Variants in PEX7 observed in about 807,000 individuals in gnomAD.
PEX7 encodes the protein PTS2 receptor.
PEX7 carries 34 observed loss-of-function variants against 47.5 expected under a neutral mutation model. The observed-to-expected ratio is 0.72, with a 90% CI of 0.54 to 0.95. The LOEUF (loss-of-function observed/expected upper bound fraction) is 0.95, where lower values mean the gene tolerates loss of function less well. PEX7 is among the 40% of genes least tolerant of loss of function. The pLI, the probability that PEX7 is intolerant of heterozygous loss-of-function variation, is 0.00. For missense variants in PEX7, 394 were observed against 400.3 expected, an observed-to-expected ratio of 0.98 and a Z score of 0.13; for synonymous variants, 141 against 148.8, an observed-to-expected ratio of 0.95 and a Z score of 0.38.
chr6:136,900,437 C>A lies in PEX7; in HGVS notation c.903+2196C>A. The A allele has an allele frequency of 2.3e-6, 1 of 431,860 alleles. No homozygotes were observed. Among genetic ancestry groups the A allele is most frequent in the Admixed American group, 2.4e-5 (1 of 42,424 alleles). 26.8% of individuals were successfully genotyped at this position (431,860 alleles called of 1,614,324 possible). ...GCCTTTTCCAGCTTGGCAGTGTGAGCCACAGACTTGGGACCAAGGACATTG... is the reference window on the plus strand; with the variant it reads ...GCCTTTTCCAGCTTGGCAGTGTGAGACACAGACTTGGGACCAAGGACATTG... On this transcript the variant is annotated intron_variant, in intron 9 of 9. Transcript: ENST00000318471. The surrounding 1 kb of genome is among the most constrained non-coding windows in gnomAD (Gnocchi z 4.2).
intron 5 of PEX7, among the ~76,000 whole-genome samples, chr6:136,854,000 AAT>A (rs371354132): frequency 2.6e-5 from 4 of 152,020 alleles, no homozygotes; most frequent in African/African-American, 9.7e-5. Flanking sequence ...TGGGACCAGT[AAT>A]ATATTTTTTC....
intron 5 of PEX7, among the ~76,000 whole-genome samples, chr6:136,858,035 A>G (rs1419833611): frequency 1.3e-5 from 2 of 152,094 alleles, no homozygotes; most frequent in East Asian, 1.9e-4. Flanking sequence ...AGGCTGGTCT[A>G]GAACTCCTGG....
intron 9 of PEX7, among the ~76,000 whole-genome samples, chr6:136,903,213 G>A (rs774541210): frequency 1.3e-4 from 20 of 152,154 alleles, no homozygotes; most frequent in East Asian, 5.8e-4. Context: ...ACAGAACATC[G>A]CTTGCATTCC....
At chr6:136,896,550 G>A (rs1481714852) in intron 8 of PEX7, among the ~76,000 whole-genome samples, 1 of 152,084 alleles carries the variant, frequency 6.6e-6, no homozygotes, top group African/African-American at 2.4e-5. Context: ...CATGCATTTG[G>A]GTCTTGATTG....
At chr6:136,847,539 A>G (rs1389332307) in intron 5 of PEX7, among the ~76,000 whole-genome samples, 5 of 151,618 alleles carry the variant, frequency 3.3e-5, no homozygotes, top group Non-Finnish European at 7.4e-5. Flanking sequence ...TAAGGAAGGG[A>G]TCCAGTTTCA....
At chr6:136,840,893 G>A (rs1774485121) in intron 3 of PEX7, among the ~76,000 whole-genome samples, 1 of 152,006 alleles carries the variant, frequency 6.6e-6, no homozygotes, top group Non-Finnish European at 1.5e-5. Context: ...TGCACAGAGA[G>A]GTCTTTCCTG....
intron 8 of PEX7, among the ~76,000 whole-genome samples, chr6:136,884,941 A>ATCGTAGAT (rs1775441270): frequency 6.6e-6 from 1 of 152,334 alleles, no homozygotes; most frequent in East Asian, 1.9e-4. Flanking sequence ...GAATGTTATC[A>ATCGTAGAT]TCGTAGATTT....
intron 3 of PEX7, among the ~76,000 whole-genome samples, chr6:136,827,483 T>C (rs941634768): frequency 6.6e-6 from 1 of 150,550 alleles, no homozygotes; most frequent in Non-Finnish European, 1.5e-5. Context: ...ATTCAGATAC[T>C]TTTGTGGAAC....
chr6:136,866,693 A>C lies in PEX7; in HGVS notation c.593A>C (p.Gln198Pro). Residue 198 changes from glutamine (Q) to proline (P), a missense_variant, in exon 6 of 10, where the codon CAG becomes CCG. By Grantham distance (76) the Gln-to-Pro change is moderately conservative. Transcript: ENST00000318471. ...AGVRIVIPAH[Q>P]AEILSCDWCK... is the part of the protein sequence containing the mutation. ...GTAAGAATCGTGATTCCTGCACATC[A>C]GGCAGAAATCTTGAGTTGTGACTGG... is the stretch of plus-strand genomic sequence containing the variant. The C allele has an allele frequency of 6.2e-7, 1 of 1,614,072 alleles. No homozygotes were observed. Among genetic ancestry groups the C allele is most frequent in the Non-Finnish European group, 8.5e-7 (1 of 1,179,942 alleles).
intron 8 of PEX7, among the ~76,000 whole-genome samples, chr6:136,872,529 T>G (rs1303631953): frequency 6.6e-6 from 1 of 152,170 alleles, no homozygotes; most frequent in African/African-American, 2.4e-5. Flanking sequence ...TTTCCTACAC[T>G]ATAGATGGCA....
At position 136,841,737 on chromosome 6, in the gene PEX7, C is replaced by T. The variant is rs140588165; in HGVS notation, c.340-3878C>T. ...TAGCTGGGACTACTGTTATAGGTCA[C>T]CACACCTGGCTAATTTTTAAAATTT... On this transcript the variant is annotated intron_variant, in intron 3 of 9. Transcript: ENST00000318471. 2.0e-3 allele frequency among the ~76,000 whole-genome samples: 299 copies of T among 152,178 alleles called. 3 individuals are homozygous for T. The highest frequency in any genetic ancestry group is 6.5e-3 in the African/African-American group (268 of 41,520).
chr6:136,907,844 G>A lies in PEX7; in HGVS notation c.904-5614G>A, dbSNP rs558511200. Among the ~76,000 whole-genome samples, 8 of 152,188 alleles carry A rather than the reference G, an allele frequency of 5.3e-5. No homozygotes were observed. In the East Asian group the frequency reaches 1.3e-3, roughly 26 times the overall value. On this transcript the variant is annotated intron_variant, in intron 9 of 9. Transcript: ENST00000318471. ...TTTCTAAATTTTACACGTATTTAAA[G>A]TGTTGTATTTCCATTTTAATGTTTC...
At chr6:136,828,461 T>C (rs1241095075) in intron 3 of PEX7, among the ~76,000 whole-genome samples, 5 of 152,238 alleles carry the variant, frequency 3.3e-5, no homozygotes, top group Admixed American at 2.0e-4. Flanking sequence ...ATCCCAACTC[T>C]ACCTTCTATA....
rs1277406536 is a variant in PEX7 at position 136,900,219 on chromosome 6, C to T, written c.903+1978C>T. The T allele has an allele frequency of 5.9e-6, 1 of 168,622 alleles. No homozygotes were observed. The highest frequency in any genetic ancestry group is 2.4e-5 in the African/African-American group (1 of 41,666). 10.4% of individuals were successfully genotyped at this position (168,622 alleles called of 1,614,324 possible). ...GAGGACTTAATCAGAGGACATACAT[C>T]CCTAAGTAATAGATTTTATTCAAAT... is the stretch of plus-strand genomic sequence containing the variant. On this transcript the variant is annotated intron_variant, in intron 9 of 9. Transcript: ENST00000318471. The surrounding 1 kb of genome is among the most constrained non-coding windows in gnomAD (Gnocchi z 4.2).
intron 8 of PEX7, among the ~76,000 whole-genome samples, chr6:136,886,855 C>T (rs1775475434): frequency 6.6e-6 from 1 of 152,092 alleles, no homozygotes; most frequent in African/African-American, 2.4e-5. Context: ...GAATTCGAGA[C>T]CAGCCTGGAC....
intron 1 of PEX7, among the ~76,000 whole-genome samples, chr6:136,824,865 G>A (rs1774158758): frequency 6.6e-6 from 1 of 152,214 alleles, no homozygotes; most frequent in Middle Eastern, 3.2e-3. Context: ...ACACCAACTT[G>A]GAAGGTTTGT....
At chr6:136,895,555 T>G (rs1775633035) in intron 8 of PEX7, among the ~76,000 whole-genome samples, 3 of 152,196 alleles carry the variant, frequency 2.0e-5, no homozygotes, top group Admixed American at 1.3e-4. Flanking sequence ...TTCAGTCTTG[T>G]GTTGGTTTTT....
At chr6:136,833,561 G>A (rs2115145639) in intron 3 of PEX7, among the ~76,000 whole-genome samples, 1 of 152,126 alleles carries the variant, frequency 6.6e-6, no homozygotes, top group East Asian at 1.9e-4. Flanking sequence ...GGAAATAGTT[G>A]GACTTGATAT....
In PEX7 at chr6:136,822,715, G is replaced by A; in HGVS notation, c.50G>A (p.Arg17His). The A allele has an allele frequency of 2.0e-6, 3 of 1,515,834 alleles. No individual in the cohort carries two copies. Among genetic ancestry groups the A allele is most frequent in the African/African-American group, 1.4e-5 (1 of 70,176 alleles). 93.9% of individuals were successfully genotyped at this position (1,515,834 alleles called of 1,614,324 possible). Residue 17 changes from arginine (R) to histidine (H), a missense_variant, in exon 1 of 10, where the codon CGC becomes CAC. Coordinates refer to ENST00000318471, the MANE Select transcript of PEX7 (RefSeq NM_000288.4). The part of the protein sequence containing the change: ...GAARMLRTPG[R>H]HGYAAEFSPY... ...GCGCGGATGCTGCGGACGCCGGGAC[G>A]CCACGGCTACGCCGCCGAGTTCTCC...
Sources: allele counts gnomAD v4.1 joint callset (sites outside exome capture counted in the v4.1 genomes callset), GRCh38; gene constraint gnomAD v4.1.1; non-coding constraint Gnocchi (gnomAD v3.1); transcripts MANE v1.5; gene names NCBI Gene and HGNC (gene_info 2026-07-23, HGNC 2026-07-21).